DNAH5: variants seen among roughly 807,000 people sequenced by gnomAD.
DNAH5 encodes the protein dynein axonemal heavy chain 5.
In DNAH5, 372 loss-of-function variants were observed where a neutral mutation model predicts 518.2. That is an observed-to-expected ratio of 0.72 (90% CI 0.66 to 0.78). DNAH5 has a LOEUF of 0.78. Among genes scored for constraint, DNAH5 ranks in the 30% least tolerant of loss-of-function variants. The pLI, the probability that DNAH5 is intolerant of heterozygous loss-of-function variation, is 0.00. For synonymous variants in DNAH5, 2,039 were observed against 2,025.9 expected (o/e 1.01, Z -0.17); for missense variants, 5,523 against 5,687.0 (o/e 0.97, Z 0.93).
At chr5:13,959,660 C>T (rs1448661000) in intron 1 of DNAH5, among the ~76,000 whole-genome samples, 1 of 152,178 alleles carries the variant, frequency 6.6e-6, no homozygotes, top group Non-Finnish European at 1.5e-5. Context: ...CCCTGGAATT[C>T]TGTGTGAGTT....
rs757623380 is a variant in DNAH5, at chr5:13,814,798, A to G, written c.7037T>C (p.Ile2346Thr). 2 of 1,613,936 alleles carry G rather than the reference A, an allele frequency of 1.2e-6. No homozygotes were observed. Among genetic ancestry groups the G allele is most frequent in the Admixed American group, 1.7e-5 (1 of 59,986 alleles). ...ILDGPVDAIW[I>T]ENLNSVLDDN... ...ATCCAAAACAGAATTCAGATTTTCAATCCAGATGGCATCTACTGGACCATC... is the reference window on the plus strand; with the variant it reads ...ATCCAAAACAGAATTCAGATTTTCAGTCCAGATGGCATCTACTGGACCATC... Residue 2346 changes from isoleucine (I) to threonine (T), a missense_variant, in exon 43 of 79, where the codon ATT (isoleucine) becomes ACT (threonine). Coordinates refer to ENST00000265104, the MANE Select transcript of DNAH5 (RefSeq NM_001369.3).
At chr5:13,809,931 G>T in intron 45 of DNAH5, 128 bp downstream of exon 45, 3 of 967,982 alleles carry the variant, frequency 3.1e-6, no homozygotes, top group Non-Finnish European at 4.8e-6. Flanking sequence ...CTTCACACAC[G>T]AACGTTTTCA....
chr5:13,833,879 C>G (rs1764022148), intron 35 of DNAH5, among the ~76,000 whole-genome samples: 1 of 152,204 alleles, frequency 6.6e-6, no homozygotes, highest in South Asian at 2.1e-4. Context: ...ATTTTATCAT[C>G]TGAAATGTCT....
In DNAH5 at chr5:13,773,786, G is replaced by T. The variant is rs143876636; in HGVS notation, c.9373+2653C>A. On this transcript the variant is annotated intron_variant, in intron 55 of 78. Coordinates refer to ENST00000265104, the MANE Select transcript of DNAH5 (RefSeq NM_001369.3). ...AATGGATAACAGAGGACCTGGCTTGGGGGGAAACGGAGGGAAGCAAAGGAA... is the reference window on the plus strand; with the variant it reads ...AATGGATAACAGAGGACCTGGCTTGTGGGGAAACGGAGGGAAGCAAAGGAA... Among the ~76,000 whole-genome samples the T allele has an allele frequency of 2.6e-3, 391 of 152,252 alleles. 1 individual carries two copies. Among genetic ancestry groups the T allele is most frequent in the Non-Finnish European group, 4.2e-3 (288 of 68,006 alleles).
At position 13,751,096 on chromosome 5, in the gene DNAH5, G is replaced by T; in HGVS notation, c.11193C>A (p.Val3731=). The change falls in exon 65 of 79, where the codon GTC becomes GTA. Residue 3731 remains valine (V), a synonymous_variant. Coordinates refer to ENST00000265104, the MANE Select transcript of DNAH5 (RefSeq NM_001369.3). The part of the protein sequence containing the change: ...KGLEDQLLGR[V]ILTEKQELEK... ...CACTCACCTGCTTCTCTGTGAGAAT[G>T]ACCCTCCCCAGTAACTGATCTTCTA... 1 of 1,613,898 alleles carries T rather than the reference G, an allele frequency of 6.2e-7. No homozygotes were observed. The highest frequency in any genetic ancestry group is 1.1e-5 in the South Asian group (1 of 91,060).
intron 65 of DNAH5, among the ~76,000 whole-genome samples, chr5:13,747,359 GTATC>G (rs1218188531): frequency 1.3e-5 from 2 of 152,180 alleles, no homozygotes; most frequent in African/African-American, 4.8e-5. Flanking sequence ...ACGTGTGCAT[GTATC>G]TTTATAGCAG....
rs547350815 is a variant in DNAH5 at position 13,841,818 on chromosome 5, T to C, written c.5358A>G (p.Glu1786=). The change falls in exon 33 of 79, where the codon GAA becomes GAG. Residue 1786 remains glutamate, a synonymous_variant. Coordinates refer to ENST00000265104, the MANE Select transcript of DNAH5 (RefSeq NM_001369.3). ...DKPVMAEGNV[E]VWLNSLLEES... is the part of the protein sequence containing the mutation. ...CTTCCAAAAGAGAATTAAGCCAAAC[T>C]TCCACATTGCCCTCTGCCATGACAG... 6.2e-7 allele frequency: 1 copy of C among 1,612,704 alleles called. No homozygotes were observed. Among genetic ancestry groups the C allele is most frequent in the African/African-American group, 1.3e-5 (1 of 74,666 alleles).
At chr5:13,752,066 A>C (rs1561174132) in intron 64 of DNAH5, 68 bp downstream of exon 64, 4 of 1,535,108 alleles carry the variant, frequency 2.6e-6, no homozygotes, top group Non-Finnish European at 2.7e-6. Context: ...AGAGAATTCT[A>C]TCTGTGTCAC....
intron 65 of DNAH5, among the ~76,000 whole-genome samples, chr5:13,744,454 AT>A (rs1749052220): frequency 6.6e-6 from 1 of 152,008 alleles, no homozygotes; most frequent in African/African-American, 2.4e-5. Context: ...TAATGATTAT[AT>A]TATATAATTT....
At chr5:13,694,799 T>A (rs1741145904) in intron 78 of DNAH5, among the ~76,000 whole-genome samples, 1 of 152,220 alleles carries the variant, frequency 6.6e-6, no homozygotes, top group African/African-American at 2.4e-5. Context: ...ACTCTTAACA[T>A]ACACTATTTC....
At chr5:14,005,253 C>T (rs1175778214) in intron 1 of DNAH5, among the ~76,000 whole-genome samples, 1 of 152,218 alleles carries the variant, frequency 6.6e-6, no homozygotes, top group African/African-American at 2.4e-5. Context: ...CTCTTTGACC[C>T]TCCCAGGCAG....
At chr5:13,991,537 G>T (rs908576624) in intron 1 of DNAH5, among the ~76,000 whole-genome samples, 4 of 147,514 alleles carry the variant, frequency 2.7e-5, no homozygotes, top group African/African-American at 5.0e-5. Context: ...AGGAGGGGAG[G>T]GGAGGGGGAG....
intron 6 of DNAH5, 106 bp from the exon 7 acceptor site, chr5:13,919,458 A>G (rs1222026877): frequency 7.3e-6 from 10 of 1,366,866 alleles, no homozygotes; most frequent in East Asian, 2.3e-5. Flanking sequence ...TATCTGGATC[A>G]TGATATATGC....
chr5:13,897,984 AC>A (rs1774124293), intron 15 of DNAH5: 1 of 152,202 alleles, frequency 6.6e-6, no homozygotes, highest in South Asian at 2.1e-4. Context: ...AAGAAATTCT[AC>A]TAGCCAGAGG....
rs188798850 is a variant in DNAH5 at position 13,961,722 on chromosome 5, T to C, written c.13-30478A>G. Among the ~76,000 whole-genome samples the C allele has an allele frequency of 1.1e-3, 164 of 152,218 alleles. 2 individuals are homozygous for C. The highest frequency in any genetic ancestry group is 3.7e-3 in the African/African-American group (154 of 41,542). Reference sequence around the variant, plus strand: ...AAAGCCCACGGACAAAATGATCCCATCTTCACTACACAGCATTATGAGCCC... The same window carrying C: ...AAAGCCCACGGACAAAATGATCCCACCTTCACTACACAGCATTATGAGCCC... On this transcript the variant is annotated intron_variant, in intron 1 of 78. Transcript: ENST00000681290.
Position 13,866,250 on chromosome 5 carries a change from C to G in DNAH5, c.4086G>C (p.Gln1362His). 1 of 1,613,362 alleles carries G rather than the reference C, an allele frequency of 6.2e-7. No homozygotes were observed. Residue 1362 changes from glutamine to histidine, a missense_variant, in exon 26 of 79, where the codon CAG becomes CAC. By Grantham distance (24) the Gln-to-His change is conservative. This residue lies in a region of DNAH5 where 5,121 missense variants were observed against 5,223.3 expected (regional missense o/e 0.98). Coordinates refer to ENST00000265104, the MANE Select transcript of DNAH5 (RefSeq NM_001369.3). ...NGPMASGLKP[Q>H]EASDRLIMFQ... Reference sequence around the variant, plus strand: ...ACATGATAAGCCTGTCACTGGCTTCCTGGGGCTTCAAGCCGCTAGCCATTG... The same window carrying G: ...ACATGATAAGCCTGTCACTGGCTTCGTGGGGCTTCAAGCCGCTAGCCATTG...
intron 65 of DNAH5, among the ~76,000 whole-genome samples, chr5:13,745,468 C>T (rs553655557): frequency 6.6e-6 from 1 of 152,166 alleles, no homozygotes; most frequent in South Asian, 2.1e-4. Flanking sequence ...AAGGTTTACA[C>T]GTGTTTCTGA....
chr5:13,753,572 T>C (rs752907506), intron 62 of DNAH5, 23 bp from the exon 63 acceptor site: 16 of 1,582,756 alleles, frequency 1.0e-5, no homozygotes, highest in South Asian at 5.6e-5. Context: ...ACAAACACCA[T>C]TGAAATACTT....
chr5:13,984,052 G>A (rs1301196335), intron 1 of DNAH5, among the ~76,000 whole-genome samples: 2 of 152,142 alleles, frequency 1.3e-5, no homozygotes, highest in African/African-American at 4.8e-5. Context: ...AGGAGAGCTC[G>A]ATGTAATCAT....
Sources: gnomAD v4.1 joint callset for allele counts (sites outside exome capture counted in the v4.1 genomes callset) on GRCh38, gnomAD v4.1.1 for gene constraint, gnomAD v4.1.1 regional missense constraint, MANE v1.5 for transcripts, NCBI Gene and HGNC (gene_info 2026-07-23, HGNC 2026-07-21) for gene names.